CMC4: variants seen among roughly 807,000 people sequenced by gnomAD.
CMC4 encodes cx9C motif-containing protein 4.
In CMC4, 4 loss-of-function variants were observed where a neutral mutation model predicts 5.1. The observed-to-expected ratio is 0.78, with a 90% CI of 0.38 to 1.78. The LOEUF (loss-of-function observed/expected upper bound fraction) is 1.78. Among genes scored for constraint, CMC4 ranks in the 40% most tolerant of loss-of-function variants. The pLI is 0.04. For synonymous variants in CMC4, 23 were observed against 18.9 expected (o/e 1.22, Z -0.57); for missense variants, 52 against 51.3 (o/e 1.01, Z -0.04).
chrX:155,068,543 A>G (rs2073957522), intron 1 of CMC4, among the ~76,000 whole-genome samples: 1 of 112,465 alleles, frequency 8.9e-6, no homozygotes, highest in African/African-American at 3.2e-5. Flanking sequence ...CAAAGTCCTC[A>G]GCAGAGAAAT....
chrX:155,069,756 C>T (rs1424105195), intron 1 of CMC4, among the ~76,000 whole-genome samples: 1 of 111,983 alleles, frequency 8.9e-6, no homozygotes, highest in Non-Finnish European at 1.9e-5. Flanking sequence ...CTGTAAAAGG[C>T]AGCCATGAGC....
rs1259868715 is a variant in CMC4, at chrX:155,061,972, T to C, written c.78A>G (p.Ser26=). Residue 26 remains serine (S), a synonymous_variant, in exon 3 of 3, where the codon TCA becomes TCG. Coordinates refer to ENST00000369484, the MANE Select transcript of CMC4 (RefSeq NM_001018024.3). ...KCLQANSYME[S]KCQAVIQELR... is the part of the protein sequence containing the mutation. ...GTTCTTGGATGACAGCCTGACACTT[T>C]GATTCCATGTAGCTGTTGGCTGAAA... The C allele has an allele frequency of 1.7e-6, 2 of 1,210,743 alleles. No homozygotes were observed. The highest frequency in any genetic ancestry group is 2.2e-6 in the Non-Finnish European group (2 of 894,987).
intron 1 of CMC4, among the ~76,000 whole-genome samples, chrX:155,070,289 C>T (rs782261274): frequency 3.6e-5 from 4 of 111,727 alleles, no homozygotes; most frequent in Non-Finnish European, 7.5e-5. Flanking sequence ...AAGTAGAAAA[C>T]CAAATCAAAG....
chrX:155,070,339 ATT>A (rs1377380485), intron 1 of CMC4, among the ~76,000 whole-genome samples: 3 of 112,120 alleles, frequency 2.7e-5, no homozygotes, highest in African/African-American at 9.7e-5. Flanking sequence ...CACGGCATAT[ATT>A]GTGCTTTGAT....
chrX:155,069,210 T>G (rs1447928847), intron 1 of CMC4, among the ~76,000 whole-genome samples: 1 of 112,905 alleles, frequency 8.9e-6, no homozygotes, highest in African/African-American at 3.2e-5. Flanking sequence ...TTTGCTTTAA[T>G]TGCCAGGTTG....
At chrX:155,067,193 A>G (rs1476733091) in intron 1 of CMC4, among the ~76,000 whole-genome samples, 2 of 111,577 alleles carry the variant, frequency 1.8e-5, no homozygotes, top group Non-Finnish European at 3.8e-5. Context: ...GAGCAACCAG[A>G]TGCTTCACCC....
chrX:155,061,664 C>T lies in CMC4; in HGVS notation c.*179G>A. The T allele has an allele frequency of 2.0e-6, 1 of 489,233 alleles. No homozygotes were observed. Among genetic ancestry groups the T allele is most frequent in the East Asian group, 4.0e-5 (1 of 25,169 alleles). 40.3% of individuals were successfully genotyped at this position (489,233 alleles called of 1,213,427 possible). A position where few individuals can be genotyped will look rare whatever the true frequency, so the allele number is the denominator to read the frequency against. On this transcript the variant is annotated 3_prime_UTR_variant, in exon 3 of 3. Coordinates refer to ENST00000369484, the MANE Select transcript of CMC4 (RefSeq NM_001018024.3). ...TTTATTTTAGCAGCTCAGTATATTA[C>T]ATTCTACATATTTGTCTTTTAATGT...
chrX:155,063,082 TTTTTCC>T (rs1475208850), intron 2 of CMC4, among the ~76,000 whole-genome samples: 3 of 112,034 alleles, frequency 2.7e-5, no homozygotes, highest in Non-Finnish European at 3.8e-5. Context: ...TGCAAAAAAC[TTTTTCC>T]TTTTCCTTAA....
At chrX:155,069,062 T>C (rs2073959560) in intron 1 of CMC4, among the ~76,000 whole-genome samples, 1 of 112,717 alleles carries the variant, frequency 8.9e-6, no homozygotes, top group Admixed American at 9.3e-5. Flanking sequence ...GACAATTTCT[T>C]AGTAAGGCAT....
intron 1 of CMC4, chrX:155,065,567 C>T: frequency 8.3e-7 from 1 of 1,209,078 alleles, no homozygotes; most frequent in African/African-American, 1.7e-5. Context: ...TTATGGAGTA[C>T]TCTGTTACGA....
rs782643231 is a variant in CMC4 at position 155,063,997 on chromosome X, C to T, written c.27G>A (p.Lys9=). Residue 9 remains lysine, a synonymous_variant, in exon 2 of 3, where the codon AAG becomes AAA. Coordinates refer to ENST00000369484, the MANE Select transcript of CMC4 (RefSeq NM_001018024.3). ...AACATTTCTGTATCTCACAGGCTTGCTTCTGGCACGGATCCTTCTGCGGCA... is the reference window on the plus strand; with the variant it reads ...AACATTTCTGTATCTCACAGGCTTGTTTCTGGCACGGATCCTTCTGCGGCA... The part of the protein sequence containing the change: MPQKDPCQ[K]QACEIQKCLQ... 1.8e-5 allele frequency: 21 copies of T among 1,194,333 alleles called. No homozygotes were observed. The Admixed American group carries it at 5.2e-4, about 29-fold the overall frequency.
chrX:155,062,015 T>C, intron 2 of CMC4, 24 bp from the exon 3 acceptor site: 1 of 1,201,746 alleles, frequency 8.3e-7, no homozygotes. Flanking sequence ...AGGCAGACTC[T>C]AGTCATGATC....
intron 2 of CMC4, among the ~76,000 whole-genome samples, chrX:155,062,492 C>T (rs1351610118): frequency 5.3e-5 from 6 of 112,152 alleles, no homozygotes; most frequent in African/African-American, 1.9e-4. Context: ...ACAACACATA[C>T]ACAATATATA....
At chrX:155,065,305 C>G (rs1557291929) in intron 1 of CMC4, 2 of 460,921 alleles carry the variant, frequency 4.3e-6, no homozygotes, top group African/African-American at 4.9e-5. Flanking sequence ...ACTCCCTCCC[C>G]CCAGGCCCAA....
chrX:155,065,745 G>A, intron 1 of CMC4: 6 of 1,211,605 alleles, frequency 5.0e-6, no homozygotes, highest in Non-Finnish European at 6.7e-6. Flanking sequence ...CGTCACCTAA[G>A]GGAACCTGAA....
At chrX:155,065,979 T>C (rs782605258) in intron 1 of CMC4, 1 of 1,209,704 alleles carries the variant, frequency 8.3e-7, no homozygotes, top group African/African-American at 1.7e-5. Flanking sequence ...CCAGAGGTGA[T>C]CGGGTGGAGC....
intron 1 of CMC4, among the ~76,000 whole-genome samples, chrX:155,068,916 G>A (rs782611045): frequency 8.9e-6 from 1 of 112,233 alleles, no homozygotes; most frequent in Non-Finnish European, 1.9e-5. Flanking sequence ...CTCAACTCAA[G>A]GAATACTGCC....
intron 1 of CMC4, among the ~76,000 whole-genome samples, chrX:155,068,371 G>T (rs190471473): frequency 8.9e-6 from 1 of 112,538 alleles, no homozygotes; most frequent in Non-Finnish European, 1.9e-5. Context: ...GTGCTGCTGT[G>T]ACCCAAAGGT....
chrX:155,064,052 T>A lies in CMC4; in HGVS notation c.-10-19A>T. 8.6e-7 allele frequency: 1 copy of A among 1,159,053 alleles called. No individual in the cohort carries two copies. The highest frequency in any genetic ancestry group is 2.9e-5 in the Admixed American group (1 of 34,840). On this transcript the variant is annotated intron_variant, in intron 1 of 2. Transcript: ENST00000369484. The stretch of plus-strand genomic sequence containing the variant: ...CAGAAAACTAAAACAAGAAAAATGA[T>A]TTTTATTTTTCTTTTTTCCATAAAG...
Sources: allele counts gnomAD v4.1 joint callset (sites outside exome capture counted in the v4.1 genomes callset), GRCh38; gene constraint gnomAD v4.1.1; transcripts MANE v1.5; gene names NCBI Gene and HGNC (gene_info 2026-07-23, HGNC 2026-07-21).